MCPH1: variants seen among roughly 807,000 people sequenced by gnomAD.
MCPH1 encodes the protein microcephalin.
A neutral mutation model predicts 84.5 loss-of-function variants in MCPH1; 104 were observed. The ratio of observed to expected loss-of-function variants is 1.23; its 90% confidence interval spans 1.05 to 1.45. MCPH1 has a LOEUF of 1.45. MCPH1 is among the 40% of genes most tolerant of loss of function. MCPH1 has a pLI of 0.00. For synonymous variants in MCPH1, 514 were observed against 366.8 expected (o/e 1.40, Z -4.58); for missense variants, 1,498 against 1,005.7 (o/e 1.49, Z -6.62).
rs139044099 is a variant in MCPH1, at chr8:6,522,720, G to A, written c.2214+22791G>A. The stretch of plus-strand genomic sequence containing the variant: ...ACCCGGGAGGTGGAGGTTGCAGTGA[G>A]CTGAGATTATGCCATTGCACTCCAG... On this transcript the variant is annotated intron_variant, in intron 12 of 13. Transcript: ENST00000344683. Among the ~76,000 whole-genome samples, 951 of 151,610 alleles carry A rather than the reference G, an allele frequency of 6.3e-3. 10 individuals are homozygous for A. Among genetic ancestry groups the A allele is most frequent in the African/African-American group, 0.023 (931 of 41,316 alleles).
At chr8:6,461,276 G>GC (rs562539130) in intron 9 of MCPH1, among the ~76,000 whole-genome samples, 1 of 137,984 alleles carries the variant, frequency 7.2e-6, no homozygotes, top group Non-Finnish European at 1.6e-5. Context: ...AAAAGAGTCT[G>GC]TTTTTTTTTA....
intron 12 of MCPH1, among the ~76,000 whole-genome samples, chr8:6,533,410 G>A (rs770755688): frequency 1.2e-4 from 18 of 152,178 alleles, no homozygotes; most frequent in Admixed American, 3.9e-4. Context: ...CTGCTTTATA[G>A]TCTTGGTTCT....
intron 2 of MCPH1, among the ~76,000 whole-genome samples, chr8:6,412,925 C>T (rs1798742149): frequency 6.6e-6 from 1 of 152,202 alleles, no homozygotes; most frequent in Admixed American, 6.5e-5. Context: ...ACCAGCAACG[C>T]TTTGCAGTAC....
intron 12 of MCPH1, among the ~76,000 whole-genome samples, chr8:6,603,695 C>T (rs1829542495): frequency 1.3e-5 from 2 of 152,150 alleles, no homozygotes; most frequent in South Asian, 4.1e-4. Context: ...AGCTTGGTTT[C>T]AGATAAATAA....
At chr8:6,426,062 G>A (rs1391031451) in intron 3 of MCPH1, among the ~76,000 whole-genome samples, 1 of 152,266 alleles carries the variant, frequency 6.6e-6, no homozygotes. Context: ...TTAAAAAGAA[G>A]CACAGTTAAA....
intron 12 of MCPH1, chr8:6,619,102 T>C (rs1831146984): frequency 1.3e-5 from 2 of 152,096 alleles, no homozygotes; most frequent in South Asian, 2.1e-4. Context: ...GTCATTTGTA[T>C]TGCGATCACC....
chr8:6,416,516 G>T (rs1478539613), intron 3 of MCPH1, among the ~76,000 whole-genome samples: 1 of 152,162 alleles, frequency 6.6e-6, no homozygotes, highest in Non-Finnish European at 1.5e-5. Flanking sequence ...GTTTGTTTCT[G>T]ATTATTAAAG....
Position 6,643,142 on chromosome 8 carries a change from T to C in MCPH1, c.*93T>C. 1 of 1,097,072 alleles carries C rather than the reference T, an allele frequency of 9.1e-7. No homozygotes were observed. The highest frequency in any genetic ancestry group is 1.8e-5 in the Admixed American group (1 of 54,650). 68.0% of individuals were successfully genotyped at this position (1,097,072 alleles called of 1,614,324 possible). A position where few individuals can be genotyped will look rare whatever the true frequency, so the allele number is the denominator to read the frequency against. On this transcript the variant is annotated 3_prime_UTR_variant, in exon 14 of 14. Transcript: ENST00000344683. ...AAACAAAACTGTGAAGAGAAGGAAC[T>C]GGCGTATACAAGATGACTTCTGATA...
chr8:6,428,018 A>T (rs2515564), intron 3 of MCPH1, among the ~76,000 whole-genome samples: 4 of 151,632 alleles, frequency 2.6e-5, no homozygotes, highest in East Asian at 1.9e-4. Flanking sequence ...GCCTTGAACC[A>T]CTGACCTCCC....
intron 2 of MCPH1, among the ~76,000 whole-genome samples, chr8:6,410,449 T>C (rs897817877): frequency 3.9e-5 from 6 of 152,188 alleles, no homozygotes; most frequent in Non-Finnish European, 8.8e-5. Context: ...CAGGAATCAT[T>C]GAGCTATGAG....
intron 9 of MCPH1, among the ~76,000 whole-genome samples, chr8:6,460,854 C>G (rs753450553): frequency 1.3e-5 from 2 of 152,066 alleles, no homozygotes; most frequent in African/African-American, 4.8e-5. Context: ...AGCTGGGCAA[C>G]GTCTGCAAAT....
chr8:6,440,160 T>G (rs917694029), intron 6 of MCPH1, among the ~76,000 whole-genome samples: 1 of 152,216 alleles, frequency 6.6e-6, no homozygotes, highest in African/African-American at 2.4e-5. Context: ...TGAAAATCTA[T>G]TGGTGGGTAT....
At chr8:6,611,407 A>G (rs1830253975) in intron 12 of MCPH1, among the ~76,000 whole-genome samples, 1 of 152,202 alleles carries the variant, frequency 6.6e-6, no homozygotes, top group Admixed American at 6.5e-5. Flanking sequence ...TTGCTGCAGC[A>G]GCTCACAAAA....
intron 12 of MCPH1, among the ~76,000 whole-genome samples, chr8:6,574,631 A>G (rs2129576652): frequency 6.6e-6 from 1 of 152,382 alleles, no homozygotes; most frequent in South Asian, 2.1e-4. Context: ...AAACTTATAG[A>G]CATGAAAAAT....
chr8:6,542,577 A>G (rs937687756), intron 12 of MCPH1, among the ~76,000 whole-genome samples: 1 of 150,938 alleles, frequency 6.6e-6, no homozygotes, highest in Non-Finnish European at 1.5e-5. Flanking sequence ...TCATCGCTGT[A>G]CTGATATGCC....
intron 13 of MCPH1, among the ~76,000 whole-genome samples, chr8:6,622,895 C>G (rs1329026820): frequency 1.2e-4 from 19 of 152,076 alleles, no homozygotes; most frequent in Non-Finnish European, 4.4e-5. Context: ...GGATGGAGTG[C>G]AGTAGCATGA....
rs890131420 is a variant in MCPH1 at position 6,647,092 on chromosome 8, C to A, written c.*4043C>A. On this transcript the variant is annotated 3_prime_UTR_variant, in exon 14 of 14. Transcript: ENST00000344683. ...TTGTACCCAGACCATGTAAAGAACT[C>A]ATAACTCATTAATAAAAGGATAAAG... 6.6e-6 allele frequency: 1 copy of A among 151,854 alleles called. No individual in the cohort carries two copies. The highest frequency in any genetic ancestry group is 1.5e-5 in the Non-Finnish European group (1 of 67,994). The allele number at this position is 151,854 out of a possible 1,614,324, so 9.4% of individuals were successfully genotyped here. A position where few individuals can be genotyped will look rare whatever the true frequency, so the allele number is the denominator to read the frequency against.
chr8:6,431,639 T>C (rs965533763), intron 4 of MCPH1, 53 bp downstream of exon 4: 4 of 1,216,826 alleles, frequency 3.3e-6, no homozygotes, highest in Non-Finnish European at 3.6e-6. Flanking sequence ...TATTCGTTTT[T>C]ATTTTTTATT....
At chr8:6,641,182 T>C (rs1429949291) in intron 13 of MCPH1, among the ~76,000 whole-genome samples, 1 of 152,222 alleles carries the variant, frequency 6.6e-6, no homozygotes, top group Non-Finnish European at 1.5e-5. Flanking sequence ...AATTTCTAGA[T>C]GAATTTGGAA....
Sources: gnomAD v4.1 joint callset for allele counts (sites outside exome capture counted in the v4.1 genomes callset) on GRCh38, gnomAD v4.1.1 for gene constraint, MANE v1.5 for transcripts, NCBI Gene and HGNC (gene_info 2026-07-23, HGNC 2026-07-21) for gene names.